CADPS: variants seen among roughly 807,000 people sequenced by gnomAD.
CADPS encodes the protein calcium-dependent secretion activator 1.
A neutral mutation model predicts 167.3 loss-of-function variants in CADPS; 57 were observed. The ratio of observed to expected loss-of-function variants is 0.34; its 90% CI spans 0.28 to 0.42. The LOEUF is 0.42. Among genes scored for constraint, CADPS ranks in the 20% least tolerant of loss-of-function variants. The pLI is 1.00. For missense variants in CADPS, 1,414 were observed against 1,738.1 expected (o/e 0.81, Z 3.32); for synonymous variants, 676 against 635.3 (o/e 1.06, Z -0.96).
rs573060231 is a variant in CADPS, at chr3:62,777,890, A to G, written c.442-11906T>C. Reference sequence around the variant, plus strand: ...AAGCAGGAAAGAGTAAAAAGCCATCAGTATTTCTGAGTTTCATCATCTCAT... The same window carrying G: ...AAGCAGGAAAGAGTAAAAAGCCATCGGTATTTCTGAGTTTCATCATCTCAT... On this transcript the variant is annotated intron_variant, in intron 1 of 29. Transcript: ENST00000383710. Among the ~76,000 whole-genome samples, 11 of 152,328 alleles carry G rather than the reference A, an allele frequency of 7.2e-5. 1 individual carries two copies. In the South Asian group the frequency reaches 2.3e-3, roughly 32 times the overall value.
intron 3 of CADPS, among the ~76,000 whole-genome samples, chr3:62,694,853 T>C (rs2079978147): frequency 6.6e-6 from 1 of 152,018 alleles, no homozygotes; most frequent in Admixed American, 6.6e-5. Flanking sequence ...CCTAAAAAAA[T>C]GGGACTCTGT....
chr3:62,510,138 C>A (rs182430133), intron 17 of CADPS, among the ~76,000 whole-genome samples: 2 of 152,010 alleles, frequency 1.3e-5, no homozygotes, highest in African/African-American at 4.8e-5. Context: ...TACCTACTCT[C>A]CTCTCCTTTC....
At chr3:62,516,324 G>A (rs2068986932) in intron 15 of CADPS, 142 bp from the exon 16 acceptor site, 1 of 1,139,006 alleles carries the variant, frequency 8.8e-7, no homozygotes, top group African/African-American at 1.6e-5. Context: ...GAAAGCACCA[G>A]AATTGCAAAG....
chr3:62,555,161 A>C (rs1162573139), intron 10 of CADPS, among the ~76,000 whole-genome samples: 3 of 152,264 alleles, frequency 2.0e-5, no homozygotes, highest in African/African-American at 7.2e-5. Context: ...AGGACTTAGC[A>C]CATGGAAAGA....
intron 9 of CADPS, among the ~76,000 whole-genome samples, chr3:62,559,498 A>ATT (rs551522512): frequency 2.1e-5 from 3 of 144,880 alleles, no homozygotes; most frequent in Admixed American, 6.9e-5. Flanking sequence ...CCCATGGGGA[A>ATT]TTTTTTTTTT....
At chr3:62,801,877 C>G (rs1304522884) in intron 1 of CADPS, among the ~76,000 whole-genome samples, 1 of 152,190 alleles carries the variant, frequency 6.6e-6, no homozygotes, top group Non-Finnish European at 1.5e-5. Context: ...CTGTTGTAAT[C>G]ATTGAGCCTG....
chr3:62,415,123 T>G (rs1367229570), intron 28 of CADPS, among the ~76,000 whole-genome samples: 1 of 149,552 alleles, frequency 6.7e-6, no homozygotes, highest in Admixed American at 6.6e-5. Context: ...TCCCTCTTTC[T>G]CTACACGCAC....
At chr3:62,574,362 C>G (rs576972280) in intron 8 of CADPS, among the ~76,000 whole-genome samples, 1 of 150,040 alleles carries the variant, frequency 6.7e-6, no homozygotes, top group East Asian at 1.9e-4. Context: ...ATAGAGAATA[C>G]ACTGTAGGAG....
chr3:62,786,049 C>T (rs1056598697), intron 1 of CADPS, among the ~76,000 whole-genome samples: 4 of 151,586 alleles, frequency 2.6e-5, no homozygotes, highest in Non-Finnish European at 5.9e-5. Flanking sequence ...CCCGTCTCTA[C>T]TAAAAATACA....
In CADPS at chr3:62,874,466, C is replaced by G. The variant is rs1392128274; in HGVS notation, c.441+123G>C. Reference sequence around the variant, plus strand: ...TGGGAGGGGGCCTCGTAGCCCTTTCCCCAGGGCGCGGTCTCCACCTCTCCT... The same window carrying G: ...TGGGAGGGGGCCTCGTAGCCCTTTCGCCAGGGCGCGGTCTCCACCTCTCCT... On this transcript the variant is annotated intron_variant, in intron 1 of 29. Coordinates refer to ENST00000383710, the MANE Select transcript of CADPS (RefSeq NM_003716.4). This position sits in a 1 kb window ranked among gnomAD's most constrained non-coding sequence, Gnocchi z 7.1. 1 of 737,328 alleles carries G rather than the reference C, an allele frequency of 1.4e-6. No homozygotes were observed. The highest frequency in any genetic ancestry group is 2.2e-6 in the Non-Finnish European group (1 of 453,916). The allele number at this position is 737,328 out of a possible 1,614,324, so 45.7% of individuals were successfully genotyped here.
At chr3:62,709,441 C>A (rs2082951536) in intron 3 of CADPS, among the ~76,000 whole-genome samples, 7 of 152,172 alleles carry the variant, frequency 4.6e-5, no homozygotes. Flanking sequence ...TGTCTCCAAT[C>A]TACAGTTTCC....
At chr3:62,443,160 T>C (rs2056642163) in intron 27 of CADPS, among the ~76,000 whole-genome samples, 1 of 152,218 alleles carries the variant, frequency 6.6e-6, no homozygotes, top group Non-Finnish European at 1.5e-5. Context: ...TATGGCAGAA[T>C]TTGTAAGGGC....
At chr3:62,497,031 A>G (rs974145128) in intron 18 of CADPS, among the ~76,000 whole-genome samples, 2 of 152,316 alleles carry the variant, frequency 1.3e-5, no homozygotes, top group African/African-American at 4.8e-5. Context: ...TGTCTACTCT[A>G]TTTAATTTGA....
chr3:62,485,497 T>C (rs2062681656), intron 21 of CADPS, among the ~76,000 whole-genome samples: 1 of 152,256 alleles, frequency 6.6e-6, no homozygotes, highest in Non-Finnish European at 1.5e-5. Context: ...CCTTATGTTA[T>C]TTGTAAATTA....
At chr3:62,727,402 T>C (rs1013031839) in intron 3 of CADPS, among the ~76,000 whole-genome samples, 2 of 151,922 alleles carry the variant, frequency 1.3e-5, no homozygotes, top group Admixed American at 1.3e-4. Flanking sequence ...AAAACTAATT[T>C]GTAAGAACAG....
At chr3:62,456,699 T>C (rs1020469930) in intron 26 of CADPS, among the ~76,000 whole-genome samples, 1 of 151,154 alleles carries the variant, frequency 6.6e-6, no homozygotes, top group Non-Finnish European at 1.5e-5. Flanking sequence ...ATATACTCAG[T>C]GGTATGCTGG....
At chr3:62,414,460 T>C (rs926193719) in intron 28 of CADPS, among the ~76,000 whole-genome samples, 1 of 152,206 alleles carries the variant, frequency 6.6e-6, no homozygotes, top group Non-Finnish European at 1.5e-5. Flanking sequence ...TGCTGAAAAA[T>C]AACTCCTACG....
chr3:62,540,516 G>T (rs547762680), intron 11 of CADPS, among the ~76,000 whole-genome samples: 1 of 152,176 alleles, frequency 6.6e-6, no homozygotes, highest in East Asian at 1.9e-4. Context: ...TGGGGATTCA[G>T]ATGGTATCTT....
rs947585003 is a variant in CADPS at position 62,538,634 on chromosome 3, G to A, written c.1967-2053C>T. ...AGAAAAGGCTGCAAACTGACAAACC[G>A]GCCGGGGCCTTACTCTGCCAGTTTG... On this transcript the variant is annotated intron_variant, in intron 11 of 29. Coordinates refer to ENST00000383710, the MANE Select transcript of CADPS (RefSeq NM_003716.4). Among the ~76,000 whole-genome samples, 9 of 152,224 alleles carry A rather than the reference G, an allele frequency of 5.9e-5. 1 individual carries two copies. The highest frequency in any genetic ancestry group is 2.2e-4 in the African/African-American group (9 of 41,540).
Sources: allele counts gnomAD v4.1 joint callset (sites outside exome capture counted in the v4.1 genomes callset), GRCh38; gene constraint gnomAD v4.1.1; non-coding constraint Gnocchi (gnomAD v3.1); transcripts MANE v1.5; gene names NCBI Gene and HGNC (gene_info 2026-07-23, HGNC 2026-07-21).